Variants in LDB2 observed in about 807,000 individuals in gnomAD.
LDB2 encodes the protein LIM domain-binding protein 2.
LDB2 carries 12 observed loss-of-function variants against 44.3 expected under a neutral mutation model. The ratio of observed to expected loss-of-function variants is 0.27; its 90% confidence interval spans 0.17 to 0.44. The LOEUF (loss-of-function observed/expected upper bound fraction) is 0.44, where lower values mean the gene tolerates loss of function less well. Among genes scored for constraint, LDB2 ranks in the 20% least tolerant of loss-of-function variants. LDB2 has a pLI of 1.00. For synonymous variants in LDB2, 164 were observed against 174.8 expected (o/e 0.94, Z 0.49); for missense variants, 344 against 473.5 (o/e 0.73, Z 2.54).
chr4:16,779,700 G>T (rs981117975), intron 1 of LDB2, among the ~76,000 whole-genome samples: 4 of 152,208 alleles, frequency 2.6e-5, no homozygotes, highest in African/African-American at 9.6e-5. Flanking sequence ...AAAGGAAATG[G>T]ATGAATAGGG....
intron 2 of LDB2, among the ~76,000 whole-genome samples, chr4:16,668,346 C>T (rs999917659): frequency 9.2e-5 from 14 of 152,182 alleles, no homozygotes; most frequent in Admixed American, 8.5e-4. Context: ...TAAAGAAACT[C>T]CTGATTTGGC....
intron 2 of LDB2, among the ~76,000 whole-genome samples, chr4:16,611,304 C>T (rs1725535563): frequency 3.3e-5 from 5 of 152,148 alleles, no homozygotes; most frequent in Admixed American, 3.3e-4. Context: ...GAAACTGCGT[C>T]AACTAGTGTG....
At chr4:16,542,978 A>G (rs554830257) in intron 5 of LDB2, among the ~76,000 whole-genome samples, 15 of 128,440 alleles carry the variant, frequency 1.2e-4, no homozygotes, top group African/African-American at 3.9e-4. Flanking sequence ...CCTGTGTCCA[A>G]GTGTTCTTAT....
chr4:16,531,711 T>C (rs1730208765), intron 5 of LDB2, among the ~76,000 whole-genome samples: 1 of 152,248 alleles, frequency 6.6e-6, no homozygotes, highest in Non-Finnish European at 1.5e-5. Context: ...AAATTATCAC[T>C]GTGTCATTCA....
intron 1 of LDB2, among the ~76,000 whole-genome samples, chr4:16,816,879 T>C (rs1310053381): frequency 1.3e-5 from 2 of 152,360 alleles, no homozygotes; most frequent in East Asian, 1.9e-4. Flanking sequence ...TTCAAACTTT[T>C]TGTCTACATA....
intron 2 of LDB2, among the ~76,000 whole-genome samples, chr4:16,693,277 A>G (rs13110423): frequency 0.39 from 59,388 of 151,732 alleles, 11,822 homozygotes; most frequent in East Asian, 0.61. Context: ...GGCAACTGTC[A>G]TAGTCTCAGA....
chr4:16,662,166 G>A (rs1360665746), intron 2 of LDB2, among the ~76,000 whole-genome samples: 8 of 152,012 alleles, frequency 5.3e-5, no homozygotes, highest in South Asian at 2.1e-4. Flanking sequence ...GTTTCTACCC[G>A]ACTCATGCCA....
At chr4:16,858,808 C>T (rs777784955) in intron 1 of LDB2, among the ~76,000 whole-genome samples, 1 of 152,150 alleles carries the variant, frequency 6.6e-6, no homozygotes, top group Non-Finnish European at 1.5e-5. Flanking sequence ...ATTTATTGAA[C>T]TATACAAACT....
intron 2 of LDB2, among the ~76,000 whole-genome samples, chr4:16,700,127 G>A (rs1203464066): frequency 6.6e-6 from 1 of 151,932 alleles, no homozygotes; most frequent in African/African-American, 2.4e-5. Flanking sequence ...CATTTCCTTC[G>A]ACCCTCACAT....
intron 2 of LDB2, among the ~76,000 whole-genome samples, chr4:16,598,450 T>C (rs1721632805): frequency 1.3e-5 from 2 of 152,160 alleles, no homozygotes; most frequent in South Asian, 4.1e-4. Context: ...GTCCAGGAAG[T>C]GAATCCTTGA....
chr4:16,743,959 T>C (rs954141149), intron 2 of LDB2, among the ~76,000 whole-genome samples: 1 of 152,222 alleles, frequency 6.6e-6, no homozygotes, highest in Non-Finnish European at 1.5e-5. Flanking sequence ...CTCCAATTTT[T>C]TACACATCAC....
intron 2 of LDB2, among the ~76,000 whole-genome samples, chr4:16,721,212 C>A (rs1385307838): frequency 6.6e-6 from 1 of 152,110 alleles, no homozygotes; most frequent in Non-Finnish European, 1.5e-5. Context: ...CCTTTTATAG[C>A]CTCCCATGAG....
intron 2 of LDB2, among the ~76,000 whole-genome samples, chr4:16,605,079 T>C (rs553733328): frequency 1.8e-4 from 28 of 152,314 alleles, no homozygotes; most frequent in African/African-American, 6.7e-4. Context: ...CAACTTTAGC[T>C]AGTTCTATAT....
At chr4:16,769,561 G>T (rs1265989282) in intron 1 of LDB2, among the ~76,000 whole-genome samples, 1 of 151,116 alleles carries the variant, frequency 6.6e-6, no homozygotes, top group Non-Finnish European at 1.5e-5. Context: ...CTCCCAAAGT[G>T]CTGGGATTAC....
At chr4:16,898,147 T>C (rs2110588306) in intron 1 of LDB2, among the ~76,000 whole-genome samples, 1 of 151,808 alleles carries the variant, frequency 6.6e-6, no homozygotes, top group African/African-American at 2.4e-5. Context: ...GTCTCAAGAT[T>C]CCGGCAGAAA....
chr4:16,862,581 C>T (rs1466589795), intron 1 of LDB2, among the ~76,000 whole-genome samples: 1 of 136,254 alleles, frequency 7.3e-6, no homozygotes, highest in African/African-American at 2.9e-5. Context: ...TGCAGTGAGC[C>T]GAGATCATGC....
chr4:16,837,978 T>C (rs1348979939), intron 1 of LDB2, among the ~76,000 whole-genome samples: 1 of 152,212 alleles, frequency 6.6e-6, no homozygotes, highest in Non-Finnish European at 1.5e-5. Context: ...GTGGTATTGC[T>C]GAAGGCAGGG....
chr4:16,878,808 T>C (rs1303013430), intron 1 of LDB2, among the ~76,000 whole-genome samples: 2 of 152,224 alleles, frequency 1.3e-5, no homozygotes, highest in African/African-American at 4.8e-5. Flanking sequence ...CCAATTTTTC[T>C]AGCTAAATCT....
intron 2 of LDB2, among the ~76,000 whole-genome samples, chr4:16,754,419 C>T (rs1766085765): frequency 6.6e-6 from 1 of 152,180 alleles, no homozygotes; most frequent in Admixed American, 6.5e-5. Context: ...GAGGCCAAGG[C>T]CATGCATATC....
Sources: allele counts gnomAD v4.1 joint callset (sites outside exome capture counted in the v4.1 genomes callset), GRCh38; gene constraint gnomAD v4.1.1; transcripts MANE v1.5; gene names NCBI Gene and HGNC (gene_info 2026-07-23, HGNC 2026-07-21).